The following OSBPL11 variants were observed in gnomAD, a reference collection of about 807,000 sequenced individuals.
OSBPL11 encodes oxysterol-binding protein-related protein 11.
OSBPL11 carries 33 observed loss-of-function variants against 84.4 expected under a neutral mutation model. The observed-to-expected ratio is 0.39, with a 90% CI of 0.30 to 0.52. The LOEUF (loss-of-function observed/expected upper bound fraction) is 0.52. Ranked by LOEUF, OSBPL11 falls within the 20% of genes least tolerant of loss-of-function variation. The pLI, the probability that OSBPL11 is intolerant of heterozygous loss-of-function variation, is 0.72. For synonymous variants in OSBPL11, 276 were observed against 310.2 expected, an observed-to-expected ratio of 0.89 and a Z score of 1.16; for missense variants, 736 against 901.1, an observed-to-expected ratio of 0.82 and a Z score of 2.35.
intron 4 of OSBPL11, 48 bp downstream of exon 4, chr3:125,578,912 A>T: frequency 5.1e-5 from 58 of 1,146,254 alleles, no homozygotes; most frequent in Non-Finnish European, 6.5e-5. Context: ...AATAAAAAAT[A>T]TTCCTTCCTC....
At chr3:125,562,298 T>C (rs907834274) in intron 7 of OSBPL11, among the ~76,000 whole-genome samples, 3 of 152,246 alleles carry the variant, frequency 2.0e-5, no homozygotes, top group African/African-American at 7.2e-5. Context: ...ACCTGTATCT[T>C]CTAATTTTTG....
rs776148738 is a variant in OSBPL11, at chr3:125,530,545, T to C, written c.2214A>G (p.Lys738=). 3 of 1,613,886 alleles carry C rather than the reference T, an allele frequency of 1.9e-6. No individual in the cohort carries two copies. Among genetic ancestry groups the C allele is most frequent in the East Asian group, 2.2e-5 (1 of 44,878 alleles). The change falls in exon 13 of 13, where the codon AAA becomes AAG. Residue 738 remains lysine (K), a synonymous_variant. Coordinates refer to ENST00000296220, the MANE Select transcript of OSBPL11 (RefSeq NM_022776.5). Reference sequence around the variant, plus strand: ...CTGCTGGTTGTGTTGTTGGAATTATTTTCCAAAGTGGTTTATGATAAACCC... The same window carrying C: ...CTGCTGGTTGTGTTGTTGGAATTATCTTCCAAAGTGGTTTATGATAAACCC... ...DGWVYHKPLW[K]IIPTTQPAE
intron 12 of OSBPL11, 31 bp from the exon 13 acceptor site, chr3:125,530,611 C>T (rs767941165): frequency 1.3e-6 from 2 of 1,557,146 alleles, no homozygotes; most frequent in Non-Finnish European, 1.8e-6. Context: ...AAGAATCATC[C>T]CTCTAATATT....
chr3:125,578,733 T>G (rs569612339), intron 4 of OSBPL11, among the ~76,000 whole-genome samples: 1 of 151,676 alleles, frequency 6.6e-6, no homozygotes, highest in East Asian at 1.9e-4. Flanking sequence ...ATTGCGCCAC[T>G]GCACTCTAGC....
chr3:125,552,714 A>G (rs1244348354), intron 8 of OSBPL11, 35 bp from the exon 9 acceptor site: 14 of 1,586,334 alleles, frequency 8.8e-6, no homozygotes, highest in African/African-American at 1.3e-5. Context: ...GGGAAATTTA[A>G]TCCATGTGTA....
In OSBPL11 at chr3:125,567,144, T is replaced by C. The variant is rs78059648; in HGVS notation, c.868+250A>G. Among the ~76,000 whole-genome samples, 79 of 152,316 alleles carry C rather than the reference T, an allele frequency of 5.2e-4. No individual in the cohort carries two copies. The East Asian group carries it at 0.014, about 26-fold the overall frequency. ...CATTTTGAGTTCAGTTTTTGAGATG[T>C]TGAGCTTGAGGTCTCTTCAGGAATG... On this transcript the variant is annotated intron_variant, in intron 6 of 12. Transcript: ENST00000296220.
chr3:125,575,296 T>C (rs1326086068), intron 5 of OSBPL11, among the ~76,000 whole-genome samples: 1 of 152,104 alleles, frequency 6.6e-6, no homozygotes, highest in Non-Finnish European at 1.5e-5. Flanking sequence ...TAAGGCAACA[T>C]CAAAGATTTA....
intron 8 of OSBPL11, among the ~76,000 whole-genome samples, chr3:125,553,090 C>G (rs1935937238): frequency 6.6e-6 from 1 of 152,112 alleles, no homozygotes; most frequent in Non-Finnish European, 1.5e-5. Flanking sequence ...TGTACCTGAG[C>G]AACAGAGTGA....
chr3:125,531,869 T>C lies in OSBPL11; in HGVS notation c.2170A>G (p.Ile724Val). 6.2e-7 allele frequency: 1 copy of C among 1,609,796 alleles called. No homozygotes were observed. Among genetic ancestry groups the C allele is most frequent in the South Asian group, 1.1e-5 (1 of 89,968 alleles). The change falls in exon 12 of 13, where the codon ATT (isoleucine) becomes GTT (valine). Residue 724 changes from isoleucine (I) to valine (V), a missense_variant. Transcript: ENST00000296220. ...TGTPWKTKYF[I>V]KEGDGWVYHK... ...ACACATGTACAGCATACCTCTTTAATAAAATATTTGGTTTTCCAAGGTGTG... is the reference window on the plus strand; with the variant it reads ...ACACATGTACAGCATACCTCTTTAACAAAATATTTGGTTTTCCAAGGTGTG...
intron 9 of OSBPL11, 113 bp from the exon 10 acceptor site, chr3:125,547,705 CTTCAT>C: frequency 1.3e-6 from 1 of 754,660 alleles, no homozygotes. Context: ...TTTTCCTAAC[CTTCAT>C]TTAACTTTCA....
intron 8 of OSBPL11, among the ~76,000 whole-genome samples, chr3:125,557,044 TC>T (rs1413137410): frequency 6.6e-6 from 1 of 152,174 alleles, no homozygotes; most frequent in Non-Finnish European, 1.5e-5. Context: ...AAAACAAAAT[TC>T]CATATAAACT....
At chr3:125,546,177 G>GTTT (rs761359055) in intron 10 of OSBPL11, among the ~76,000 whole-genome samples, 118 of 123,026 alleles carry the variant, frequency 9.6e-4, no homozygotes, top group African/African-American at 3.5e-3. Flanking sequence ...GTGTGTGTGT[G>GTTT]TTTTTTTTTT....
At chr3:125,574,834 C>T (rs1050717760) in intron 5 of OSBPL11, among the ~76,000 whole-genome samples, 1 of 152,152 alleles carries the variant, frequency 6.6e-6, no homozygotes, top group African/African-American at 2.4e-5. Flanking sequence ...ATGACTAATG[C>T]ATGCCTGCAC....
At position 125,560,290 on chromosome 3, in the gene OSBPL11, G is replaced by A. The variant is rs1032819442; in HGVS notation, c.1155+89C>T. 6.7e-6 allele frequency: 8 copies of A among 1,186,748 alleles called. No individual in the cohort carries two copies. The South Asian group carries it at 1.3e-4, about 19-fold the overall frequency. The allele number at this position is 1,186,748 out of a possible 1,614,324, so 73.5% of individuals were successfully genotyped here. A position where few individuals can be genotyped will look rare whatever the true frequency, so the allele number is the denominator to read the frequency against. ...AAAAATTAAAATTAAAATTTAAAAA[G>A]TAAATAAATAAAAAGTCCTGACATA... On this transcript the variant is annotated intron_variant, in intron 8 of 12. Coordinates refer to ENST00000296220, the MANE Select transcript of OSBPL11 (RefSeq NM_022776.5).
intron 1 of OSBPL11, among the ~76,000 whole-genome samples, chr3:125,593,669 A>C (rs1936636028): frequency 6.6e-6 from 1 of 152,282 alleles, no homozygotes. Flanking sequence ...CTATATGTTA[A>C]TATAGTCATG....
intron 1 of OSBPL11, among the ~76,000 whole-genome samples, chr3:125,592,039 T>C (rs1440064551): frequency 6.9e-6 from 1 of 145,388 alleles, no homozygotes; most frequent in Non-Finnish European, 1.5e-5. Context: ...CCAAATTATT[T>C]TAAAACTTCA....
intron 8 of OSBPL11, among the ~76,000 whole-genome samples, chr3:125,559,640 C>G (rs1936045788): frequency 6.6e-6 from 1 of 152,246 alleles, no homozygotes; most frequent in East Asian, 1.9e-4. Context: ...CCTCAGCCAT[C>G]TCCTGAGACA....
At chr3:125,548,083 T>C (rs1368640726) in intron 9 of OSBPL11, among the ~76,000 whole-genome samples, 1 of 152,144 alleles carries the variant, frequency 6.6e-6, no homozygotes, top group Admixed American at 6.5e-5. Context: ...TTCACCATGT[T>C]GGCCAGGCTG....
Position 125,531,862 on chromosome 3 carries a change from T to A in OSBPL11, c.2177A>T (p.Glu726Val). ...TPWKTKYFIK[E>V]GDGWVYHKPL... ...ATCTTGAACACATGTACAGCATACC[T>A]CTTTAATAAAATATTTGGTTTTCCA... Residue 726 changes from glutamate (E) to valine (V), a missense_variant and splice_region_variant, in exon 12 of 13, where the codon GAG becomes GTG. Glu to Val is a moderately radical substitution (Grantham distance 121, BLOSUM62 -2). Coordinates refer to ENST00000296220, the MANE Select transcript of OSBPL11 (RefSeq NM_022776.5). The A allele has an allele frequency of 6.2e-7, 1 of 1,609,366 alleles. No homozygotes were observed. Among genetic ancestry groups the A allele is most frequent in the Non-Finnish European group, 8.5e-7 (1 of 1,178,694 alleles).
Sources: allele counts gnomAD v4.1 joint callset (sites outside exome capture counted in the v4.1 genomes callset), GRCh38; gene constraint gnomAD v4.1.1; transcripts MANE v1.5; gene names NCBI Gene and HGNC (gene_info 2026-07-23, HGNC 2026-07-21).